The following SIGLEC15 variants were observed in gnomAD, a reference collection of about 807,000 sequenced individuals.
The protein encoded by SIGLEC15 is sialic acid-binding Ig-like lectin 15.
A neutral mutation model predicts 26.2 loss-of-function variants in SIGLEC15; 31 were observed. The observed-to-expected ratio is 1.18, with a 90% confidence interval of 0.89 to 1.60. The LOEUF (loss-of-function observed/expected upper bound fraction) is 1.60. Ranked by LOEUF, SIGLEC15 falls within the 40% of genes most tolerant of loss-of-function variation. SIGLEC15 has a pLI of 0.00. For missense variants in SIGLEC15, 501 were observed against 488.4 expected (o/e 1.03, Z -0.24); for synonymous variants, 207 against 221.9 (o/e 0.93, Z 0.60).
At chr18:45,839,302 C>G (rs1383216499) in intron 4 of SIGLEC15, among the ~76,000 whole-genome samples, 1 of 152,208 alleles carries the variant, frequency 6.6e-6, no homozygotes, top group African/African-American at 2.4e-5. Flanking sequence ...AGCTGAGGCT[C>G]AGAGAGGTTA....
chr18:45,838,931 G>A lies in SIGLEC15; in HGVS notation c.710G>A (p.Cys237Tyr), dbSNP rs368080901. 2 of 1,604,542 alleles carry A rather than the reference G, an allele frequency of 1.2e-6. No homozygotes were observed. The highest frequency in any genetic ancestry group is 8.5e-7 in the Non-Finnish European group (1 of 1,178,460). The stretch of plus-strand genomic sequence containing the variant: ...CTGACCCATGACGGCCGCTACACGT[G>A]TACGGCCGCCAACAGCCTGGGCCGC... ...PALTHDGRYTCTAANSLGRSE... is the reference protein window; with the variant it reads ...PALTHDGRYTYTAANSLGRSE... Residue 237 changes from cysteine to tyrosine, a missense_variant, in exon 4 of 6, where the codon TGT becomes TAT. By Grantham distance (194) the Cys-to-Tyr change is radical (BLOSUM62 -2). Coordinates refer to ENST00000389474, the MANE Select transcript of SIGLEC15 (RefSeq NM_213602.3).
At chr18:45,827,360 C>T (rs1297705945) in intron 1 of SIGLEC15, among the ~76,000 whole-genome samples, 1 of 152,188 alleles carries the variant, frequency 6.6e-6, no homozygotes, top group Non-Finnish European at 1.5e-5. Context: ...CACTACCCCA[C>T]CCCACACAGC....
rs2048303399 is a variant in SIGLEC15 at position 45,839,111 on chromosome 18, ACACG to A, written c.874+17_874+20del. The A allele has an allele frequency of 9.5e-6, 13 of 1,368,760 alleles. No homozygotes were observed. Among genetic ancestry groups the A allele is most frequent in the Non-Finnish European group, 1.1e-5 (12 of 1,071,004 alleles). 84.8% of individuals were successfully genotyped at this position (1,368,760 alleles called of 1,614,324 possible). A position where few individuals can be genotyped will look rare whatever the true frequency, so the allele number is the denominator to read the frequency against. ...CGCCGCCCAGGTGGGTGCGCCCCAG[ACACG>A]GGTGGCCGCGAGGGGCCGGGCCGGG... On this transcript the variant is annotated intron_variant, in intron 4 of 5. Transcript: ENST00000389474.
chr18:45,825,922 C>T, intron 1 of SIGLEC15, 142 bp downstream of exon 1: 1 of 950,282 alleles, frequency 1.1e-6, no homozygotes, highest in East Asian at 2.6e-5. Context: ...GCGCTTGGGG[C>T]CTGTGGTGCC....
chr18:45,834,198 C>T (rs1355888705), intron 1 of SIGLEC15, among the ~76,000 whole-genome samples: 2 of 152,172 alleles, frequency 1.3e-5, no homozygotes, highest in East Asian at 1.9e-4. Context: ...CCTAATACAC[C>T]CCTACTCTAA....
intron 5 of SIGLEC15, among the ~76,000 whole-genome samples, chr18:45,841,585 T>G (rs1599399976): frequency 3.3e-5 from 5 of 150,200 alleles, no homozygotes; most frequent in African/African-American, 9.9e-5. Context: ...GGTGGGGAAG[T>G]GGGTAGACGG....
chr18:45,826,845 G>A, intron 1 of SIGLEC15, among the ~76,000 whole-genome samples: 1 of 152,178 alleles, frequency 6.6e-6, no homozygotes, highest in Non-Finnish European at 1.5e-5. Context: ...CTGCACAGCT[G>A]TCACCACATG....
intron 5 of SIGLEC15, among the ~76,000 whole-genome samples, chr18:45,841,390 C>A (rs1395684699): frequency 2.0e-5 from 3 of 152,124 alleles, no homozygotes; most frequent in African/African-American, 7.2e-5. Context: ...GCAGGCATTT[C>A]TGGAGGGTGG....
intron 4 of SIGLEC15, 123 bp from the exon 5 acceptor site, chr18:45,840,088 C>A (rs762957188): frequency 4.6e-5 from 48 of 1,043,090 alleles, no homozygotes; most frequent in Non-Finnish European, 3.7e-5. Context: ...TGCTAGTCTG[C>A]TGTTTGCTTC....
At position 45,825,702 on chromosome 18, in the gene SIGLEC15, G is replaced by C; in HGVS notation, c.-27G>C. ...TGGGGAGGTGGCCGAGAGCGGGTCT[G>C]GCCTGGGGTGTTCAGATGCTCACAG... On this transcript the variant is annotated 5_prime_UTR_variant, in exon 1 of 6. Transcript: ENST00000389474. 6.2e-7 allele frequency: 1 copy of C among 1,613,972 alleles called. No individual in the cohort carries two copies. Among genetic ancestry groups the C allele is most frequent in the Non-Finnish European group, 8.5e-7 (1 of 1,179,844 alleles).
intron 1 of SIGLEC15, among the ~76,000 whole-genome samples, chr18:45,827,355 C>T (rs1019592408): frequency 1.8e-4 from 27 of 152,140 alleles, no homozygotes; most frequent in African/African-American, 5.6e-4. Flanking sequence ...CCCCCCACTA[C>T]CCCACCCCAC....
In SIGLEC15 at chr18:45,825,776, G is replaced by A. The variant is rs768210022; in HGVS notation, c.48G>A (p.Pro16=). Residue 16 remains proline, a synonymous_variant, in exon 1 of 6, where the codon CCG becomes CCA. Coordinates refer to ENST00000389474, the MANE Select transcript of SIGLEC15 (RefSeq NM_213602.3). The stretch of plus-strand genomic sequence containing the variant: ...TGGCCTGCTTGGCGTGGGTTCTCCC[G>A]ACAGGTGAGTGTCTGCTACTCTCTC... ...WLLACLAWVL[P]TGSFVRTKID... is the part of the protein sequence containing the mutation. 39 of 1,614,218 alleles carry A rather than the reference G, an allele frequency of 2.4e-5. No homozygotes were observed. The highest frequency in any genetic ancestry group is 1.8e-4 in the Admixed American group (11 of 60,026).
intron 3 of SIGLEC15, 71 bp downstream of exon 3, chr18:45,837,967 G>C (rs573523620): frequency 3.6e-6 from 5 of 1,404,160 alleles, no homozygotes; most frequent in Non-Finnish European, 4.6e-6. Context: ...CAAGGGCTAC[G>C]TGGGTGCCAG....
Position 45,842,360 on chromosome 18 carries a change from A to C in SIGLEC15, c.*173A>C. The C allele has an allele frequency of 1.6e-6, 1 of 632,330 alleles. No individual in the cohort carries two copies. The allele number at this position is 632,330 out of a possible 1,614,324, so 39.2% of individuals were successfully genotyped here. ...CTCAAGGAGGCTCATCTGGCCTCCT[A>C]TGTGGACAACCATTTCGGAGCTCCC... is the stretch of plus-strand genomic sequence containing the variant. On this transcript the variant is annotated 3_prime_UTR_variant, in exon 6 of 6. Coordinates refer to ENST00000389474, the MANE Select transcript of SIGLEC15 (RefSeq NM_213602.3).
chr18:45,840,759 G>A (rs1204257439), intron 5 of SIGLEC15: 1 of 152,976 alleles, frequency 6.5e-6, no homozygotes, highest in Non-Finnish European at 1.5e-5. Context: ...GCCTGATCCT[G>A]GCAGAGGGTA....
chr18:45,837,817 C>A lies in SIGLEC15; in HGVS notation c.417C>A (p.Arg139=), dbSNP rs113867469. ...VERLALADDR[R]YFCRVEFAGD... Reference sequence around the variant, plus strand: ...GCCTCGCCCTGGCTGACGACCGCCGCTACTTCTGCCGCGTCGAGTTCGCCG... The same window carrying A: ...GCCTCGCCCTGGCTGACGACCGCCGATACTTCTGCCGCGTCGAGTTCGCCG... The change falls in exon 3 of 6, where the codon CGC becomes CGA. Residue 139 remains arginine, a synonymous_variant. Transcript: ENST00000389474. 61,230 of 1,533,180 alleles carry A rather than the reference C, an allele frequency of 0.04. 1,453 individuals are homozygous for A. Among genetic ancestry groups the A allele is most frequent in the Middle Eastern group, 0.12 (565 of 4,856 alleles). The allele number at this position is 1,533,180 out of a possible 1,614,324, so 95.0% of individuals were successfully genotyped here.
intron 1 of SIGLEC15, among the ~76,000 whole-genome samples, chr18:45,830,965 CAT>C (rs2048230914): frequency 6.6e-6 from 1 of 152,230 alleles, no homozygotes; most frequent in African/African-American, 2.4e-5. Flanking sequence ...CATTTTCAGA[CAT>C]AGATTTTTAG....
intron 4 of SIGLEC15, among the ~76,000 whole-genome samples, chr18:45,839,636 G>GAGAAGGCTTCACA (rs1250461383): frequency 6.6e-6 from 1 of 152,160 alleles, no homozygotes; most frequent in East Asian, 1.9e-4. Context: ...GGGGCATCTG[G>GAGAAGGCTTCACA]AGAAGGCTTC....
rs550831965 is a variant in SIGLEC15, at chr18:45,837,639, T to C, written c.239T>C (p.Ile80Thr). 1.5e-3 allele frequency: 2,209 copies of C among 1,507,300 alleles called. No individual in the cohort carries two copies. Among genetic ancestry groups the C allele is most frequent in the Non-Finnish European group, 1.9e-3 (2,134 of 1,135,692 alleles). 93.4% of individuals were successfully genotyped at this position (1,507,300 alleles called of 1,614,324 possible). A position where few individuals can be genotyped will look rare whatever the true frequency, so the allele number is the denominator to read the frequency against. ...CACTACGACGGGCCGCTGACGGCCATCTGGCGCGCGGGCGAGCCCTATGCG... is the reference window on the plus strand; with the variant it reads ...CACTACGACGGGCCGCTGACGGCCACCTGGCGCGCGGGCGAGCCCTATGCG... ...HRHYDGPLTA[I>T]WRAGEPYAGP... Residue 80 changes from isoleucine to threonine, a missense_variant, in exon 3 of 6, where the codon ATC (isoleucine) becomes ACC (threonine). By Grantham distance (89) the Ile-to-Thr change is moderately conservative. Coordinates refer to ENST00000389474, the MANE Select transcript of SIGLEC15 (RefSeq NM_213602.3).
Sources: allele counts gnomAD v4.1 joint callset (sites outside exome capture counted in the v4.1 genomes callset), GRCh38; gene constraint gnomAD v4.1.1; transcripts MANE v1.5; gene names NCBI Gene and HGNC (gene_info 2026-07-23, HGNC 2026-07-21).